CTNNA3: variants seen among roughly 807,000 people sequenced by gnomAD.
The protein encoded by CTNNA3 is catenin alpha 3.
A neutral mutation model predicts 95.7 loss-of-function variants in CTNNA3; 76 were observed. The ratio of observed to expected loss-of-function variants is 0.79; its 90% CI spans 0.66 to 0.96. The LOEUF is 0.96. Ranked by LOEUF, CTNNA3 falls within the 40% of genes least tolerant of loss-of-function variation. The probability of loss-of-function intolerance (pLI) is 0.00; values close to 1 mark genes in which losing one functional copy is unlikely to be tolerated. For missense variants in CTNNA3, 1,191 were observed against 1,089.8 expected (o/e 1.09, Z -1.31); for synonymous variants, 431 against 374.4 (o/e 1.15, Z -1.74).
intron 7 of CTNNA3, among the ~76,000 whole-genome samples, chr10:66,913,586 C>T (rs1299476053): frequency 6.6e-6 from 1 of 152,054 alleles, no homozygotes; most frequent in Non-Finnish European, 1.5e-5. Flanking sequence ...AATGAATGAA[C>T]AATTTCTACA....
At chr10:67,305,092 C>T (rs1307850984) in intron 5 of CTNNA3, among the ~76,000 whole-genome samples, 3 of 152,020 alleles carry the variant, frequency 2.0e-5, no homozygotes, top group East Asian at 3.9e-4. Context: ...CTTGCTAACA[C>T]AGTGAAACCC....
intron 7 of CTNNA3, among the ~76,000 whole-genome samples, chr10:66,831,676 T>G (rs1339669197): frequency 6.6e-6 from 1 of 151,834 alleles, no homozygotes; most frequent in Non-Finnish European, 1.5e-5. Flanking sequence ...AATAAAGAGT[T>G]GTGCAGAGAA....
chr10:67,349,970 CAGA>C (rs1213765558), intron 5 of CTNNA3, among the ~76,000 whole-genome samples: 1 of 152,024 alleles, frequency 6.6e-6, no homozygotes, highest in African/African-American at 2.4e-5. Flanking sequence ...TTAATTATGT[CAGA>C]AGATTTGTGA....
intron 1 of CTNNA3, among the ~76,000 whole-genome samples, chr10:67,710,452 G>A (rs1841101161): frequency 6.6e-6 from 1 of 152,192 alleles, no homozygotes; most frequent in Non-Finnish European, 1.5e-5. Flanking sequence ...GGACAGGAAT[G>A]TGAGCTAGAA....
intron 5 of CTNNA3, among the ~76,000 whole-genome samples, chr10:67,307,780 C>G (rs1453510875): frequency 2.0e-5 from 3 of 152,104 alleles, no homozygotes; most frequent in Admixed American, 6.5e-5. Flanking sequence ...ATTAGGTGAC[C>G]AGTACATTAA....
At chr10:67,700,085 T>C (rs901249779), upstream of CTNNA3, among the ~76,000 whole-genome samples, 1 of 152,234 alleles carries the variant, frequency 6.6e-6, no homozygotes, top group South Asian at 2.1e-4. Flanking sequence ...GCGCCCGCCA[T>C]TGCCCAGGCT....
chr10:65,988,837 A>G, intron 15 of CTNNA3, 40 bp from the exon 16 acceptor site: 2 of 1,420,834 alleles, frequency 1.4e-6, no homozygotes, highest in Non-Finnish European at 2.0e-6. Context: ...GGTGTTCATG[A>G]GAAAATATAT....
At chr10:66,441,944 G>A (rs538803035) in intron 11 of CTNNA3, among the ~76,000 whole-genome samples, 1 of 152,222 alleles carries the variant, frequency 6.6e-6, no homozygotes, top group South Asian at 2.1e-4. Flanking sequence ...TGCAGAAAAA[G>A]AATTACATTT....
At chr10:66,250,840 G>A (rs1191526026) in intron 13 of CTNNA3, among the ~76,000 whole-genome samples, 1 of 151,956 alleles carries the variant, frequency 6.6e-6, no homozygotes, top group Admixed American at 6.6e-5. Context: ...CTATCTTTTA[G>A]CTTCTGTACT....
At chr10:66,239,978 G>C (rs1036412609) in intron 13 of CTNNA3, among the ~76,000 whole-genome samples, 1 of 151,808 alleles carries the variant, frequency 6.6e-6, no homozygotes, top group Non-Finnish European at 1.5e-5. Context: ...ACATGGTATA[G>C]ATATCTATGG....
intron 5 of CTNNA3, among the ~76,000 whole-genome samples, chr10:67,495,897 C>A (rs1797683344): frequency 6.6e-6 from 1 of 152,176 alleles, no homozygotes. Context: ...GGCACTTCCA[C>A]AGCTTCAGAG....
intron 9 of CTNNA3, among the ~76,000 whole-genome samples, chr10:66,758,920 G>C (rs1589223049): frequency 6.6e-6 from 1 of 152,038 alleles, no homozygotes; most frequent in Non-Finnish European, 1.5e-5. Flanking sequence ...GGGTGACAGA[G>C]GGTGAGACTT....
chr10:67,358,202 T>C (rs888882265), intron 5 of CTNNA3, among the ~76,000 whole-genome samples: 27 of 151,784 alleles, frequency 1.8e-4, no homozygotes, highest in African/African-American at 6.3e-4. Flanking sequence ...TAGAAGAAAA[T>C]CTTAGTGATG....
intron 9 of CTNNA3, among the ~76,000 whole-genome samples, chr10:66,708,420 C>A (rs1848188071): frequency 6.6e-6 from 1 of 151,966 alleles, no homozygotes; most frequent in Non-Finnish European, 1.5e-5. Context: ...AACACACATT[C>A]CTGGAATTTC....
At chr10:66,749,860 G>A (rs751207076) in intron 9 of CTNNA3, among the ~76,000 whole-genome samples, 2 of 152,130 alleles carry the variant, frequency 1.3e-5, no homozygotes, top group Non-Finnish European at 2.9e-5. Context: ...CTTCTTGCTC[G>A]GCATCCTCAC....
intron 9 of CTNNA3, among the ~76,000 whole-genome samples, chr10:66,708,362 G>C (rs750217537): frequency 2.6e-5 from 4 of 151,962 alleles, no homozygotes; most frequent in Non-Finnish European, 4.4e-5. Context: ...CTTTGCTTGC[G>C]GGTGGCGGCC....
chr10:67,577,123 C>T (rs374168013), intron 3 of CTNNA3, among the ~76,000 whole-genome samples: 4 of 150,790 alleles, frequency 2.7e-5, no homozygotes, highest in African/African-American at 4.9e-5. Context: ...CCTGAGGAAT[C>T]GCCACACTGA....
At chr10:66,329,092 A>T (rs1430177521) in intron 12 of CTNNA3, among the ~76,000 whole-genome samples, 1 of 151,142 alleles carries the variant, frequency 6.6e-6, no homozygotes, top group Non-Finnish European at 1.5e-5. Flanking sequence ...CTGGGATTAC[A>T]GGTGTGTGCC....
Position 66,389,590 on chromosome 10 carries a change from CTTTG to C in CTNNA3, c.1532-10242_1532-10239del, listed in dbSNP as rs202097977. Among the ~76,000 whole-genome samples the C allele has an allele frequency of 5.4e-3, 824 of 152,164 alleles. 8 individuals carry two copies. Among genetic ancestry groups the C allele is most frequent in the African/African-American group, 0.014 (572 of 41,530 alleles). On this transcript the variant is annotated intron_variant, in intron 11 of 17. Coordinates refer to ENST00000433211, the MANE Select transcript of CTNNA3 (RefSeq NM_013266.4). ...GGAATTGATGTTTTACTAAAAGATA[CTTTG>C]TTTGGTGCAAGCTTCTCTGGCTAAC...
Sources: allele counts gnomAD v4.1 joint callset (sites outside exome capture counted in the v4.1 genomes callset), GRCh38; gene constraint gnomAD v4.1.1; transcripts MANE v1.5; gene names NCBI Gene and HGNC (gene_info 2026-07-23, HGNC 2026-07-21).